Variants in ARHGAP29 observed in about 807,000 individuals in gnomAD.
The protein encoded by ARHGAP29 is rho GTPase-activating protein 29.
In ARHGAP29, 43 loss-of-function variants were observed where a neutral mutation model predicts 122.6. The ratio of observed to expected loss-of-function variants is 0.35; its 90% CI spans 0.27 to 0.45. The LOEUF (loss-of-function observed/expected upper bound fraction) is 0.45. ARHGAP29 is among the 20% of genes least tolerant of loss of function. The pLI, the probability that ARHGAP29 is intolerant of heterozygous loss-of-function variation, is 1.00. For synonymous variants in ARHGAP29, 506 were observed against 497.1 expected, an observed-to-expected ratio of 1.02 and a Z score of -0.24; for missense variants, 1,303 against 1,477.2, an observed-to-expected ratio of 0.88 and a Z score of 1.93.
At chr1:94,236,254 A>C (rs1455432095) in intron 1 of ARHGAP29, among the ~76,000 whole-genome samples, 1 of 152,224 alleles carries the variant, frequency 6.6e-6, no homozygotes, top group African/African-American at 2.4e-5. Flanking sequence ...ATTTCTGTAC[A>C]GTTTGAACCT....
chr1:94,181,657 T>C (rs1649472555), intron 19 of ARHGAP29, among the ~76,000 whole-genome samples: 1 of 152,134 alleles, frequency 6.6e-6, no homozygotes. Context: ...GAAGACTTCT[T>C]GTGTTCAAGA....
the ARHGAP29 span, among the ~76,000 whole-genome samples, chr1:94,309,185 G>A: frequency 1.3e-5 from 2 of 152,216 alleles, no homozygotes; most frequent in African/African-American, 4.8e-5. Flanking sequence ...ATACTTTCAA[G>A]CATCCCTATT....
chr1:94,261,459 G>A (rs1654552624), intron 1 of ARHGAP29, among the ~76,000 whole-genome samples: 1 of 152,128 alleles, frequency 6.6e-6, no homozygotes, highest in South Asian at 2.1e-4. Flanking sequence ...TAGTTTAGAA[G>A]TAAGGTTAAG....
chr1:94,270,176 C>T (rs925311768), intron 1 of ARHGAP29, among the ~76,000 whole-genome samples: 1 of 152,202 alleles, frequency 6.6e-6, no homozygotes, highest in African/African-American at 2.4e-5. Context: ...CAGATACATA[C>T]ACTCTAGAAT....
At chr1:94,256,838 G>A (rs1654375970) in intron 1 of ARHGAP29, among the ~76,000 whole-genome samples, 2 of 151,792 alleles carry the variant, frequency 1.3e-5, no homozygotes, top group South Asian at 2.1e-4. Flanking sequence ...GATTACAGGC[G>A]TGAGCCACCG....
At chr1:94,220,176 GCTATATATTCA>G (rs1652206041) in intron 3 of ARHGAP29, 71 bp downstream of exon 3, 2 of 1,453,050 alleles carry the variant, frequency 1.4e-6, no homozygotes, top group African/African-American at 2.8e-5. Flanking sequence ...AGAGGAATTG[GCTATATATTCA>G]CTATAGACCA....
At chr1:94,264,991 G>A (rs1384450979) in intron 1 of ARHGAP29, among the ~76,000 whole-genome samples, 1 of 152,184 alleles carries the variant, frequency 6.6e-6, no homozygotes, top group Admixed American at 6.5e-5. Context: ...TGGCCCGTAT[G>A]TTACAAGCCC....
At chr1:94,281,949 G>A in the ARHGAP29 span, among the ~76,000 whole-genome samples, 852 of 152,206 alleles carry the variant, frequency 5.6e-3, 1 homozygote, top group Middle Eastern at 0.041. Flanking sequence ...ATCTACCACG[G>A]CATGCTGTAG....
chr1:94,248,135 G>C (rs528726511), intron 1 of ARHGAP29: 1 of 152,168 alleles, frequency 6.6e-6, no homozygotes, highest in African/African-American at 2.4e-5. Flanking sequence ...CAAAACAAAA[G>C]TACGTTTTGT....
At chr1:94,217,708 G>C (rs1445595170) in intron 3 of ARHGAP29, among the ~76,000 whole-genome samples, 1 of 152,088 alleles carries the variant, frequency 6.6e-6, no homozygotes, top group Non-Finnish European at 1.5e-5. Context: ...TCAGCTGGGA[G>C]AGTGACAGCT....
At chr1:94,244,828 C>A (rs180968875) in intron 1 of ARHGAP29, among the ~76,000 whole-genome samples, 130 of 152,072 alleles carry the variant, frequency 8.5e-4, no homozygotes, top group African/African-American at 2.9e-3. Flanking sequence ...AAAACACAAG[C>A]CACAAATTGG....
Position 94,169,529 on chromosome 1 carries a change from C to A in ARHGAP29, c.*4340G>T. ...AAGATGGAAAGGGAGACTAGATTAA[C>A]CTCAAAGGATTGAATTGAAGGTGTC... On this transcript the variant is annotated 3_prime_UTR_variant, in exon 23 of 23. Coordinates refer to ENST00000260526, the MANE Select transcript of ARHGAP29 (RefSeq NM_004815.4). Among the ~76,000 whole-genome samples, 1 of 152,156 alleles carries A rather than the reference C, an allele frequency of 6.6e-6. No individual in the cohort carries two copies. Among genetic ancestry groups the A allele is most frequent in the East Asian group, 1.9e-4 (1 of 5,200 alleles).
At chr1:94,183,554 T>G (rs1446628028) in intron 19 of ARHGAP29, among the ~76,000 whole-genome samples, 1 of 152,142 alleles carries the variant, frequency 6.6e-6, no homozygotes, top group Non-Finnish European at 1.5e-5. Context: ...AGTACCCAGC[T>G]TATAGGACAG....
chr1:94,179,726 G>A lies in ARHGAP29; in HGVS notation c.2479C>T (p.Arg827Trp), dbSNP rs1649333500. ...SLHFLIVHLK[R>W]VVDHAEENKM... ...GTTCTAGTTATATAAAATTCTTACCGCTTTAGATGTACTATAAGGAAATGA... is the reference window on the plus strand; with the variant it reads ...GTTCTAGTTATATAAAATTCTTACCACTTTAGATGTACTATAAGGAAATGA... The change falls in exon 20 of 23, where the codon CGG (arginine) becomes TGG (tryptophan). Residue 827 changes from arginine (R) to tryptophan (W), a missense_variant and splice_region_variant. Coordinates refer to ENST00000260526, the MANE Select transcript of ARHGAP29 (RefSeq NM_004815.4). 2.5e-6 allele frequency: 4 copies of A among 1,590,084 alleles called. No individual in the cohort carries two copies. Among genetic ancestry groups the A allele is most frequent in the Admixed American group, 1.7e-5 (1 of 58,658 alleles).
chr1:94,284,286 A>C, the ARHGAP29 span, among the ~76,000 whole-genome samples: 7 of 152,360 alleles, frequency 4.6e-5, no homozygotes, highest in South Asian at 4.1e-4. Flanking sequence ...TGAAATAGCT[A>C]CAATTTCCTG....
At chr1:94,219,646 C>G (rs1237321248) in intron 3 of ARHGAP29, among the ~76,000 whole-genome samples, 1 of 152,152 alleles carries the variant, frequency 6.6e-6, no homozygotes. Flanking sequence ...CAAATACTCA[C>G]TTCGCTCTCA....
At chr1:94,201,889 C>A (rs754545432) in intron 11 of ARHGAP29, 32 bp from the exon 12 acceptor site, 65 of 1,494,374 alleles carry the variant, frequency 4.3e-5, no homozygotes, top group Non-Finnish European at 5.6e-5. Context: ...AAAAATAACA[C>A]TAGAATTTAT....
At chr1:94,223,092 C>T (rs1478020300) in intron 2 of ARHGAP29, among the ~76,000 whole-genome samples, 2 of 152,026 alleles carry the variant, frequency 1.3e-5, no homozygotes, top group Non-Finnish European at 2.9e-5. Context: ...TACAGGCGCC[C>T]GCCACCACAC....
At chr1:94,302,412 C>A in the ARHGAP29 span, 1 of 359,232 alleles carries the variant, frequency 2.8e-6, no homozygotes, top group Non-Finnish European at 5.4e-6. Flanking sequence ...CCCCCACGTT[C>A]GTGATGGGCA....
Sources: allele counts gnomAD v4.1 joint callset (sites outside exome capture counted in the v4.1 genomes callset), GRCh38; gene constraint gnomAD v4.1.1; transcripts MANE v1.5; gene names NCBI Gene and HGNC (gene_info 2026-07-23, HGNC 2026-07-21).